Variants in GPAM observed in about 807,000 individuals in gnomAD.
GPAM encodes glycerol-3-phosphate acyltransferase 1, mitochondrial.
Under a neutral mutation model 105.0 loss-of-function variants are expected in GPAM, and 56 were observed. The ratio of observed to expected loss-of-function variants is 0.53; its 90% CI spans 0.43 to 0.67. GPAM has a LOEUF of 0.67. Ranked by LOEUF, GPAM falls within the 30% of genes least tolerant of loss-of-function variation. GPAM has a pLI of 0.00. For synonymous variants in GPAM, 368 were observed against 354.4 expected, an observed-to-expected ratio of 1.04 and a Z score of -0.43; for missense variants, 855 against 989.8, an observed-to-expected ratio of 0.86 and a Z score of 1.83.
At position 112,172,168 on chromosome 10, in the gene GPAM, TA is replaced by T; in HGVS notation, c.794+13del. 6.3e-7 allele frequency: 1 copy of T among 1,586,250 alleles called. No homozygotes were observed. Among genetic ancestry groups the T allele is most frequent in the Non-Finnish European group, 8.7e-7 (1 of 1,154,852 alleles). The stretch of plus-strand genomic sequence containing the variant: ...CTTTTTAATTCCTTAAATTCCAAAA[TA>T]AGCTCATCTTACCTGAAGATTGGGA... On this transcript the variant is annotated intron_variant, in intron 9 of 21. Coordinates refer to ENST00000348367, the MANE Select transcript of GPAM (RefSeq NM_001244949.2).
At chr10:112,213,921 A>G (rs562998161) in intron 1 of GPAM, among the ~76,000 whole-genome samples, 2 of 152,246 alleles carry the variant, frequency 1.3e-5, no homozygotes, top group Non-Finnish European at 2.9e-5. Flanking sequence ...TCCAAGAGGT[A>G]TAACCCCTTG....
intron 1 of GPAM, among the ~76,000 whole-genome samples, chr10:112,204,202 T>C (rs1847833017): frequency 1.3e-5 from 2 of 152,050 alleles, no homozygotes; most frequent in Admixed American, 6.6e-5. Context: ...AGCACACAGA[T>C]AGAACAATGC....
chr10:112,183,951 C>T (rs544919084), upstream of GPAM, among the ~76,000 whole-genome samples: 23 of 152,354 alleles, frequency 1.5e-4, no homozygotes, highest in African/African-American at 5.3e-4. Flanking sequence ...GATGGTTACC[C>T]TGCCTAGGCC....
chr10:112,210,139 G>C (rs1418597064), intron 1 of GPAM, among the ~76,000 whole-genome samples: 1 of 152,246 alleles, frequency 6.6e-6, no homozygotes, highest in Non-Finnish European at 1.5e-5. Context: ...GAATAGCAAG[G>C]CTGAAGTTCT....
intron 1 of GPAM, among the ~76,000 whole-genome samples, chr10:112,203,798 G>C (rs574437844): frequency 6.6e-6 from 1 of 152,296 alleles, no homozygotes; most frequent in Admixed American, 6.5e-5. Context: ...TGATGCTGCG[G>C]TTCAGGAAGA....
At chr10:112,221,508 T>G in the GPAM span, among the ~76,000 whole-genome samples, 1 of 152,192 alleles carries the variant, frequency 6.6e-6, no homozygotes, top group African/African-American at 2.4e-5. Context: ...TTTAACAGAA[T>G]GCCCAAGTAA....
upstream of GPAM, among the ~76,000 whole-genome samples, chr10:112,186,138 GA>G (rs544519683): frequency 2.0e-5 from 3 of 149,638 alleles, no homozygotes; most frequent in Admixed American, 1.3e-4. Flanking sequence ...CTATCAGAGA[GA>G]AAAAAAAAGA....
At chr10:112,167,107 T>C (rs1847231616) in intron 11 of GPAM, among the ~76,000 whole-genome samples, 1 of 152,152 alleles carries the variant, frequency 6.6e-6, no homozygotes, top group Non-Finnish European at 1.5e-5. Flanking sequence ...GACAGATTCA[T>C]AGAACACAAG....
chr10:112,209,084 C>T (rs1317565307), intron 1 of GPAM, among the ~76,000 whole-genome samples: 1 of 152,216 alleles, frequency 6.6e-6, no homozygotes, highest in Non-Finnish European at 1.5e-5. Flanking sequence ...ATACACTGCA[C>T]TGCTCTATGG....
At chr10:112,184,619 T>C (rs574142904), upstream of GPAM, among the ~76,000 whole-genome samples, 1 of 152,248 alleles carries the variant, frequency 6.6e-6, no homozygotes, top group Admixed American at 6.5e-5. Context: ...TATAAGACAA[T>C]GGCTTTTAAA....
At position 112,170,575 on chromosome 10, in the gene GPAM, G is replaced by C. The variant is rs77192203; in HGVS notation, c.794+1607C>G. 2.5e-3 allele frequency among the ~76,000 whole-genome samples: 381 copies of C among 152,286 alleles called. 5 individuals carry two copies. The East Asian group carries it at 0.044, about 17-fold the overall frequency. On this transcript the variant is annotated intron_variant, in intron 9 of 21. Transcript: ENST00000348367. ...TTACAAGAGAAGCAAGGCTTCTCTA[G>C]AGCCCCAGTGGAATAGTCCTCTTCC...
Position 112,153,539 on chromosome 10 carries a change from C to T in GPAM, c.*11G>A, listed in dbSNP as rs780267872. 2 of 1,613,702 alleles carry T rather than the reference C, an allele frequency of 1.2e-6. No homozygotes were observed. The highest frequency in any genetic ancestry group is 3.3e-5 in the Admixed American group (2 of 60,028). ...TCATGACCTTCATTTGCCAGCAGTG[C>T]CACACGTTACCTACAGCACCACAAA... On this transcript the variant is annotated 3_prime_UTR_variant, in exon 22 of 22. Coordinates refer to ENST00000348367, the MANE Select transcript of GPAM (RefSeq NM_001244949.2).
At chr10:112,211,235 C>A (rs1847907459) in intron 1 of GPAM, among the ~76,000 whole-genome samples, 1 of 152,152 alleles carries the variant, frequency 6.6e-6, no homozygotes, top group Non-Finnish European at 1.5e-5. Context: ...TGAGTTTGGG[C>A]CTAGCTTCTC....
At chr10:112,160,284 C>A in intron 16 of GPAM, 1 of 580,720 alleles carries the variant, frequency 1.7e-6, no homozygotes, top group Non-Finnish European at 2.2e-6. Context: ...CCTCTCTTTT[C>A]TCTTAATCAC....
intron 12 of GPAM, among the ~76,000 whole-genome samples, chr10:112,165,223 C>T (rs921312815): frequency 3.3e-5 from 5 of 152,182 alleles, no homozygotes; most frequent in African/African-American, 1.2e-4. Flanking sequence ...CTTCTGTACC[C>T]ATTTTTCTCC....
In GPAM at chr10:112,153,095, G is replaced by A; in HGVS notation, c.*455C>T. On this transcript the variant is annotated 3_prime_UTR_variant, in exon 22 of 22. Coordinates refer to ENST00000348367, the MANE Select transcript of GPAM (RefSeq NM_001244949.2). ...TAAAACTGAAAAAGAGTGAATGGAT[G>A]ACTCAATTATTTTTAAAGGAAGCAT... is the stretch of plus-strand genomic sequence containing the variant. 2.0e-6 allele frequency: 2 copies of A among 1,005,674 alleles called. No individual in the cohort carries two copies. Among genetic ancestry groups the A allele is most frequent in the Non-Finnish European group, 2.4e-6 (2 of 838,428 alleles). 62.3% of individuals were successfully genotyped at this position (1,005,674 alleles called of 1,614,324 possible). A position where few individuals can be genotyped will look rare whatever the true frequency, so the allele number is the denominator to read the frequency against.
the GPAM span, among the ~76,000 whole-genome samples, chr10:112,222,062 G>C: frequency 6.6e-6 from 1 of 152,222 alleles, no homozygotes; most frequent in Non-Finnish European, 1.5e-5. Flanking sequence ...ATACAAGAGA[G>C]AGGATGTGGG....
At chr10:112,161,819 C>T in intron 14 of GPAM, 82 bp from the exon 15 acceptor site, 1 of 983,196 alleles carries the variant, frequency 1.0e-6, no homozygotes, top group Non-Finnish European at 1.6e-6. Flanking sequence ...AAATTTTAAA[C>T]AGGAGTATTT....
upstream of GPAM, among the ~76,000 whole-genome samples, chr10:112,216,588 G>C (rs1045504429): frequency 6.6e-6 from 1 of 152,018 alleles, no homozygotes; most frequent in Non-Finnish European, 1.5e-5. Flanking sequence ...GCAAAGGTGT[G>C]TATCTCCTCT....
Sources: gnomAD v4.1 joint callset for allele counts (sites outside exome capture counted in the v4.1 genomes callset) on GRCh38, gnomAD v4.1.1 for gene constraint, MANE v1.5 for transcripts, NCBI Gene and HGNC (gene_info 2026-07-23, HGNC 2026-07-21) for gene names.